The following TBC1D22B variants were observed in gnomAD, a reference collection of about 807,000 sequenced individuals.
The protein encoded by TBC1D22B is TBC1 domain family member 22B.
In TBC1D22B, 32 loss-of-function variants were observed where a neutral mutation model predicts 69.1. That is an observed-to-expected ratio of 0.46 (90% CI 0.35 to 0.62). TBC1D22B has a LOEUF of 0.62. Among genes scored for constraint, TBC1D22B ranks in the 20% least tolerant of loss-of-function variants. TBC1D22B has a pLI of 0.00. For synonymous variants in TBC1D22B, 206 were observed against 229.8 expected (o/e 0.90, Z 0.94); for missense variants, 462 against 630.9 (o/e 0.73, Z 2.87).
chr6:37,292,479 C>T (rs1767217769), intron 8 of TBC1D22B, among the ~76,000 whole-genome samples: 1 of 152,094 alleles, frequency 6.6e-6, no homozygotes, highest in Admixed American at 6.5e-5. Context: ...ATATCCTCCC[C>T]ACCCCCCCGC....
chr6:37,280,136 C>G (rs1258932036), intron 3 of TBC1D22B, among the ~76,000 whole-genome samples: 2 of 152,174 alleles, frequency 1.3e-5, no homozygotes, highest in Non-Finnish European at 2.9e-5. Flanking sequence ...CAGGTCCCAT[C>G]AGGTTGGGTG....
intron 1 of TBC1D22B, among the ~76,000 whole-genome samples, chr6:37,259,378 G>T (rs919500021): frequency 2.0e-5 from 3 of 152,098 alleles, no homozygotes; most frequent in African/African-American, 7.2e-5. Flanking sequence ...GGTCTAGTGA[G>T]CTCTCTAGTT....
At chr6:37,278,260 A>G (rs1237975646) in intron 2 of TBC1D22B, among the ~76,000 whole-genome samples, 1 of 152,222 alleles carries the variant, frequency 6.6e-6, no homozygotes, top group Non-Finnish European at 1.5e-5. Context: ...TAGTTAGAAA[A>G]TGGTCTTAAA....
chr6:37,279,809 C>T (rs1766771457), intron 3 of TBC1D22B, among the ~76,000 whole-genome samples, 198 bp downstream of exon 3: 1 of 152,242 alleles, frequency 6.6e-6, no homozygotes, highest in African/African-American at 2.4e-5. Context: ...GCTGCCCAGT[C>T]TGGTGACCTG....
intron 8 of TBC1D22B, among the ~76,000 whole-genome samples, chr6:37,312,316 G>A (rs1341610780): frequency 2.0e-5 from 3 of 151,984 alleles, no homozygotes; most frequent in Non-Finnish European, 4.4e-5. Flanking sequence ...TTGATGTTTT[G>A]CAGAACCCAT....
In TBC1D22B at chr6:37,292,321, AGAG is replaced by A. The variant is rs1439825888; in HGVS notation, c.982+968_982+970del. Reference sequence around the variant, plus strand: ...AATGGGTGAGAGTGGAACCCTTTGGAGAGGAGAGCATAAGAAATGTCTCACTTG... The same window carrying A: ...AATGGGTGAGAGTGGAACCCTTTGGAGAGAGCATAAGAAATGTCTCACTTG... On this transcript the variant is annotated intron_variant, in intron 8 of 12. Coordinates refer to ENST00000373491, the MANE Select transcript of TBC1D22B (RefSeq NM_017772.4). Among the ~76,000 whole-genome samples, 5 of 152,136 alleles carry A rather than the reference AGAG, an allele frequency of 3.3e-5. No individual in the cohort carries two copies. In the South Asian group the frequency reaches 1.0e-3, roughly 32 times the overall value.
At chr6:37,262,187 T>C (rs1433731025) in intron 1 of TBC1D22B, among the ~76,000 whole-genome samples, 2 of 151,892 alleles carry the variant, frequency 1.3e-5, no homozygotes, top group Non-Finnish European at 2.9e-5. Context: ...CATGCCACCA[T>C]GCCCAGCTAA....
chr6:37,305,722 G>A (rs182121016), intron 8 of TBC1D22B, among the ~76,000 whole-genome samples: 221 of 152,216 alleles, frequency 1.5e-3, no homozygotes, highest in African/African-American at 5.0e-3. Context: ...AGGTTTCACT[G>A]TGTTAGCCAG....
intron 8 of TBC1D22B, among the ~76,000 whole-genome samples, chr6:37,293,604 T>A (rs2113755926): frequency 6.6e-6 from 1 of 152,290 alleles, no homozygotes; most frequent in African/African-American, 2.4e-5. Context: ...ATTAGGTCAA[T>A]TAATAACCCT....
Position 37,331,358 on chromosome 6 carries a change from C to T in TBC1D22B, c.*186C>T, listed in dbSNP as rs547382747. 2.2e-5 allele frequency: 13 copies of T among 582,654 alleles called. No homozygotes were observed. Among genetic ancestry groups the T allele is most frequent in the Admixed American group, 1.5e-4 (5 of 33,508 alleles). The allele number at this position is 582,654 out of a possible 1,614,324, so 36.1% of individuals were successfully genotyped here. A position where few individuals can be genotyped will look rare whatever the true frequency, so the allele number is the denominator to read the frequency against. On this transcript the variant is annotated 3_prime_UTR_variant, in exon 13 of 13. Transcript: ENST00000373491. Reference sequence around the variant, plus strand: ...GTCTCTGGATGTGTCACTTGGACCACTGTCAGTATTCCATGCCGCGTGGAT... The same window carrying T: ...GTCTCTGGATGTGTCACTTGGACCATTGTCAGTATTCCATGCCGCGTGGAT...
intron 3 of TBC1D22B, among the ~76,000 whole-genome samples, chr6:37,280,248 C>T (rs968289882): frequency 1.3e-5 from 2 of 152,088 alleles, no homozygotes; most frequent in Admixed American, 6.6e-5. Context: ...TCAGTGTATT[C>T]CTTTAAATAT....
At chr6:37,274,568 C>A (rs1197504436) in intron 2 of TBC1D22B, among the ~76,000 whole-genome samples, 3 of 152,196 alleles carry the variant, frequency 2.0e-5, no homozygotes, top group African/African-American at 7.2e-5. Flanking sequence ...CTGAAACTTT[C>A]CAAGCCTTAG....
At chr6:37,328,112 G>A (rs1023375098) in intron 12 of TBC1D22B, among the ~76,000 whole-genome samples, 12 of 151,686 alleles carry the variant, frequency 7.9e-5, no homozygotes, top group African/African-American at 2.9e-4. Context: ...TCAGGAGTTC[G>A]AGACCAGCCT....
chr6:37,285,315 C>CTTTTTTTTTTTTTTTTTTTTTTTTT (rs756459599), intron 6 of TBC1D22B, among the ~76,000 whole-genome samples: 6 of 73,562 alleles, frequency 8.2e-5, no homozygotes, highest in African/African-American at 3.6e-4. Flanking sequence ...TCCTTCCCCA[C>CTTTTTTTTTTTTTTTTTTTTTTTTT]TTTTTTTTTT....
intron 12 of TBC1D22B, among the ~76,000 whole-genome samples, 195 bp downstream of exon 12, chr6:37,317,401 A>G (rs1581629614): frequency 6.6e-6 from 1 of 152,262 alleles, no homozygotes; most frequent in East Asian, 1.9e-4. Flanking sequence ...TCAGTGTGAG[A>G]AGGGTGTTTG....
At chr6:37,292,269 G>C (rs1767209264) in intron 8 of TBC1D22B, among the ~76,000 whole-genome samples, 1 of 152,132 alleles carries the variant, frequency 6.6e-6, no homozygotes, top group Non-Finnish European at 1.5e-5. Context: ...AAGCCATTTG[G>C]AGGGGTTAGA....
intron 12 of TBC1D22B, among the ~76,000 whole-genome samples, chr6:37,324,713 CT>C (rs756660881): frequency 6.6e-6 from 1 of 152,086 alleles, no homozygotes; most frequent in Non-Finnish European, 1.5e-5. Context: ...TATGACTTCT[CT>C]TCTTTTTGTT....
At chr6:37,286,778 T>C (rs1333499197) in intron 6 of TBC1D22B, among the ~76,000 whole-genome samples, 1 of 151,946 alleles carries the variant, frequency 6.6e-6, no homozygotes, top group East Asian at 2.0e-4. Flanking sequence ...ACCCCGTCTC[T>C]ACTAAAAATG....
At chr6:37,280,189 C>T (rs548258081) in intron 3 of TBC1D22B, among the ~76,000 whole-genome samples, 47 of 152,304 alleles carry the variant, frequency 3.1e-4, no homozygotes, top group African/African-American at 1.1e-3. Context: ...GGGAAACTGG[C>T]CACAGTAATG....
Sources: allele counts gnomAD v4.1 joint callset (sites outside exome capture counted in the v4.1 genomes callset), GRCh38; gene constraint gnomAD v4.1.1; transcripts MANE v1.5; gene names NCBI Gene and HGNC (gene_info 2026-07-23, HGNC 2026-07-21).